DYSF: variants seen among roughly 807,000 people sequenced by gnomAD.
DYSF encodes the protein dystrophy-associated fer-1-like 1.
In DYSF, 212 loss-of-function variants were observed where a neutral mutation model predicts 274.9. That is an observed-to-expected ratio of 0.77 (90% CI 0.69 to 0.86). The LOEUF is 0.86. Ranked by LOEUF, DYSF falls within the 40% of genes least tolerant of loss-of-function variation. The probability of loss-of-function intolerance (pLI) is 0.00; values close to 1 mark genes in which losing one functional copy is unlikely to be tolerated. For missense variants in DYSF, 2,666 were observed against 2,783.2 expected, an observed-to-expected ratio of 0.96 and a Z score of 0.95; for synonymous variants, 1,091 against 1,078.7, an observed-to-expected ratio of 1.01 and a Z score of -0.22.
At position 71,672,316 on chromosome 2, in the gene DYSF, C is replaced by T. The variant is rs3791834; in HGVS notation, c.5785-1881C>T. Among the ~76,000 whole-genome samples the T allele has an allele frequency of 8.9e-3, 1,352 of 151,968 alleles. 52 individuals are homozygous for T. Among genetic ancestry groups the T allele is most frequent in the Admixed American group, 0.069 (1,049 of 15,280 alleles). The stretch of plus-strand genomic sequence containing the variant: ...AGTTAGCTGGGTTGGGCTGAAGGAT[C>T]GAGTCTGGATGGGTTCGTGCAGGGG... On this transcript the variant is annotated intron_variant, in intron 51 of 55. Transcript: ENST00000410020.
chr2:71,457,697 TA>T (rs1317991371), intron 1 of DYSF, among the ~76,000 whole-genome samples: 2 of 152,150 alleles, frequency 1.3e-5, no homozygotes, highest in African/African-American at 2.4e-5. Flanking sequence ...CTATATCTGA[TA>T]GGACCAATCA....
chr2:71,660,379 T>C (rs2094856291), intron 44 of DYSF, among the ~76,000 whole-genome samples, 181 bp from the exon 45 acceptor site: 1 of 152,198 alleles, frequency 6.6e-6, no homozygotes, highest in African/African-American at 2.4e-5. Context: ...CAGAAGCCCA[T>C]GTCAGGGTCC....
intron 3 of DYSF, among the ~76,000 whole-genome samples, chr2:71,499,940 CT>C (rs2084807496): frequency 6.6e-6 from 1 of 152,318 alleles, no homozygotes; most frequent in East Asian, 1.9e-4. Flanking sequence ...TGCAGGACCC[CT>C]GGCCCCCTCC....
chr2:71,483,875 G>A (rs957962869), intron 3 of DYSF, among the ~76,000 whole-genome samples: 12 of 151,986 alleles, frequency 7.9e-5, no homozygotes, highest in Non-Finnish European at 1.8e-4. Context: ...GCCCCAGGAT[G>A]GTGTTGGTCT....
At chr2:71,601,370 C>A in intron 34 of DYSF, 129 bp from the exon 35 acceptor site, 1 of 1,248,110 alleles carries the variant, frequency 8.0e-7, no homozygotes, top group Non-Finnish European at 1.2e-6. Flanking sequence ...AGCATCCCTT[C>A]TACCCTCAAG....
At chr2:71,595,099 A>C (rs2093369144) in intron 32 of DYSF, among the ~76,000 whole-genome samples, 1 of 152,216 alleles carries the variant, frequency 6.6e-6, no homozygotes, top group African/African-American at 2.4e-5. Context: ...GGAATATGGG[A>C]AAAGGGTATA....
intron 11 of DYSF, 48 bp from the exon 12 acceptor site, chr2:71,520,741 C>A: frequency 6.4e-7 from 1 of 1,571,166 alleles, no homozygotes; most frequent in Non-Finnish European, 8.8e-7. Context: ...TGGCCACAGC[C>A]TGGGGTCTTC....
intron 1 of DYSF, among the ~76,000 whole-genome samples, chr2:71,479,513 G>C (rs2082707093): frequency 6.6e-6 from 1 of 152,176 alleles, no homozygotes; most frequent in Admixed American, 6.5e-5. Flanking sequence ...TAAAGGACCA[G>C]GGGCTGCAGC....
At chr2:71,479,217 G>A (rs1303059502) in intron 1 of DYSF, among the ~76,000 whole-genome samples, 1 of 151,634 alleles carries the variant, frequency 6.6e-6, no homozygotes, top group Non-Finnish European at 1.5e-5. Context: ...TCTGTTGAGC[G>A]CCCCATCGTT....
Position 71,470,436 on chromosome 2 carries a change from G to A in DYSF, c.91+3503G>A, listed in dbSNP as rs189077656. Among the ~76,000 whole-genome samples the A allele has an allele frequency of 1.2e-3, 184 of 152,162 alleles. 2 individuals carry two copies. Among genetic ancestry groups the A allele is most frequent in the African/African-American group, 4.1e-3 (171 of 41,532 alleles). Reference sequence around the variant, plus strand: ...GCCTGTAATCCCAGCAATTTGGGAGGCCAAGGCGGGTGGATCATGAGGTCA... The same window carrying A: ...GCCTGTAATCCCAGCAATTTGGGAGACCAAGGCGGGTGGATCATGAGGTCA... On this transcript the variant is annotated intron_variant, in intron 1 of 55. Coordinates refer to ENST00000410020, the MANE Select transcript of DYSF (RefSeq NM_001130987.2).
intron 10 of DYSF, among the ~76,000 whole-genome samples, chr2:71,519,608 A>G (rs987321032): frequency 6.6e-6 from 1 of 152,022 alleles, no homozygotes; most frequent in African/African-American, 2.4e-5. Context: ...CAAATCTACC[A>G]TGCAGGGATA....
At chr2:71,632,061 C>T (rs532803441) in intron 41 of DYSF, among the ~76,000 whole-genome samples, 10 of 152,234 alleles carry the variant, frequency 6.6e-5, no homozygotes, top group African/African-American at 2.4e-4. Flanking sequence ...TCATCTCTTC[C>T]TAGAGGGATA....
rs1020261920 is a variant in DYSF at position 71,669,039 on chromosome 2, C to T, written c.5547-73C>T. 16 of 1,414,820 alleles carry T rather than the reference C, an allele frequency of 1.1e-5. No homozygotes were observed. The African/African-American group carries it at 2.3e-4, about 20-fold the overall frequency. The allele number at this position is 1,414,820 out of a possible 1,614,324, so 87.6% of individuals were successfully genotyped here. On this transcript the variant is annotated intron_variant, in intron 49 of 55. Coordinates refer to ENST00000410020, the MANE Select transcript of DYSF (RefSeq NM_001130987.2). ...CCTCTTGGACCAGTCTGCTTCTTGG[C>T]TTCTTGGCTTCTTAAGGCCTTCCCA...
chr2:71,583,692 C>A (rs2092970448), intron 30 of DYSF, among the ~76,000 whole-genome samples: 1 of 152,192 alleles, frequency 6.6e-6, no homozygotes, highest in Non-Finnish European at 1.5e-5. Flanking sequence ...GGCACAGACA[C>A]CCCGTGGTGC....
rs58806374 is a variant in DYSF at position 71,613,088 on chromosome 2, C to T, written c.4388-246C>T. Among the ~76,000 whole-genome samples the T allele has an allele frequency of 0.18, 27,175 of 151,146 alleles. 5,001 individuals carry two copies. Among genetic ancestry groups the T allele is most frequent in the African/African-American group, 0.48 (19,580 of 41,156 alleles). On this transcript the variant is annotated intron_variant, in intron 39 of 55. Coordinates refer to ENST00000410020, the MANE Select transcript of DYSF (RefSeq NM_001130987.2). ...GAGAGAGGGCAGGGAGACAATGATG[C>T]GGGGAGGGAGGAAAGAAATGTGAGG...
At chr2:71,534,068 G>A (rs569743834) in intron 14 of DYSF, among the ~76,000 whole-genome samples, 68 of 152,280 alleles carry the variant, frequency 4.5e-4, no homozygotes, top group African/African-American at 1.6e-3. Flanking sequence ...CTTTTTACAG[G>A]GAGGAGGGGG....
chr2:71,600,925 T>G, intron 34 of DYSF, 83 bp downstream of exon 34: 2 of 1,579,538 alleles, frequency 1.3e-6, no homozygotes, highest in Non-Finnish European at 1.7e-6. Context: ...CTGGAACACC[T>G]CCTCTGAAGC....
At chr2:71,525,123 C>G (rs989144167) in intron 12 of DYSF, among the ~76,000 whole-genome samples, 1 of 152,234 alleles carries the variant, frequency 6.6e-6, no homozygotes, top group South Asian at 2.1e-4. Context: ...GGAAGCTTTA[C>G]AAGCCACTGC....
intron 42 of DYSF, among the ~76,000 whole-genome samples, chr2:71,651,485 G>A (rs1035591133): frequency 2.0e-5 from 3 of 152,088 alleles, no homozygotes; most frequent in African/African-American, 7.2e-5. Flanking sequence ...GTCTCAAGAA[G>A]CAGCAAAAAA....
Sources: allele counts gnomAD v4.1 joint callset (sites outside exome capture counted in the v4.1 genomes callset), GRCh38; gene constraint gnomAD v4.1.1; transcripts MANE v1.5; gene names NCBI Gene and HGNC (gene_info 2026-07-23, HGNC 2026-07-21).